The following ARHGEF26 variants were observed in gnomAD, a reference collection of about 807,000 sequenced individuals.
ARHGEF26 encodes Rho guanine nucleotide exchange factor 26.
In ARHGEF26, 59 loss-of-function variants were observed where a neutral mutation model predicts 89.4. That is an observed-to-expected ratio of 0.66 (90% CI 0.54 to 0.82). The LOEUF (loss-of-function observed/expected upper bound fraction) is 0.82. Among genes scored for constraint, ARHGEF26 ranks in the 40% least tolerant of loss-of-function variants. ARHGEF26 has a pLI of 0.00. For synonymous variants in ARHGEF26, 500 were observed against 428.4 expected (o/e 1.17, Z -2.06); for missense variants, 1,234 against 1,085.6 (o/e 1.14, Z -1.92).
At chr3:154,201,597 T>C (rs1181486462) in intron 9 of ARHGEF26, among the ~76,000 whole-genome samples, 5 of 152,216 alleles carry the variant, frequency 3.3e-5, no homozygotes, top group African/African-American at 9.6e-5. Context: ...CCACAATGGT[T>C]GAACTAGTTT....
intron 9 of ARHGEF26, among the ~76,000 whole-genome samples, chr3:154,213,328 G>A (rs761905803): frequency 2.1e-4 from 32 of 151,392 alleles, no homozygotes; most frequent in Middle Eastern, 3.4e-3. Context: ...ATTTAATAAA[G>A]CTTTGGCATA....
chr3:154,238,863 A>G lies in ARHGEF26; in HGVS notation c.2091-1507A>G, dbSNP rs77826401. Among the ~76,000 whole-genome samples the G allele has an allele frequency of 8.0e-3, 1,221 of 152,274 alleles. 4 individuals carry two copies. Among genetic ancestry groups the G allele is most frequent in the Non-Finnish European group, 0.013 (891 of 68,020 alleles). On this transcript the variant is annotated intron_variant, in intron 11 of 14. Transcript: ENST00000465093. Reference sequence around the variant, plus strand: ...GCAAGATGTGATTTAACTGGGTACCAAGAAATGCAAGCTAGCTAATTTAAT... The same window carrying G: ...GCAAGATGTGATTTAACTGGGTACCGAGAAATGCAAGCTAGCTAATTTAAT...
intron 3 of ARHGEF26, among the ~76,000 whole-genome samples, chr3:154,125,517 G>A (rs1313304351): frequency 6.6e-6 from 1 of 152,172 alleles, no homozygotes; most frequent in African/African-American, 2.4e-5. Flanking sequence ...CACAGATCGA[G>A]TTCTTAGTCC....
chr3:154,205,214 A>G (rs1321581371), intron 9 of ARHGEF26, among the ~76,000 whole-genome samples: 1 of 152,100 alleles, frequency 6.6e-6, no homozygotes, highest in Non-Finnish European at 1.5e-5. Flanking sequence ...ATTTAATATT[A>G]TTATATCCTC....
intron 11 of ARHGEF26, among the ~76,000 whole-genome samples, chr3:154,227,625 G>A (rs2108263849): frequency 6.6e-6 from 1 of 152,220 alleles, no homozygotes; most frequent in African/African-American, 2.4e-5. Flanking sequence ...TAATTTTTAT[G>A]TTTTTGTGTT....
At chr3:154,156,495 A>T (rs904418919) in intron 6 of ARHGEF26, among the ~76,000 whole-genome samples, 1 of 152,166 alleles carries the variant, frequency 6.6e-6, no homozygotes, top group African/African-American at 2.4e-5. Flanking sequence ...CAATGCTTTA[A>T]TATGGATATC....
chr3:154,169,006 TGTAAA>T (rs559780641), intron 6 of ARHGEF26, among the ~76,000 whole-genome samples: 76 of 151,796 alleles, frequency 5.0e-4, no homozygotes, highest in African/African-American at 1.7e-3. Context: ...AGATTAGAAA[TGTAAA>T]GTACAAGGTG....
intron 9 of ARHGEF26, among the ~76,000 whole-genome samples, chr3:154,213,241 G>GTATATATATATATA (rs750841371): frequency 6.9e-6 from 1 of 145,560 alleles, no homozygotes; most frequent in Non-Finnish European, 1.5e-5. Flanking sequence ...GTGTGTGTGT[G>GTATATATATATATA]TATATATATA....
intron 9 of ARHGEF26, among the ~76,000 whole-genome samples, chr3:154,196,702 A>G (rs1165164026): frequency 6.6e-6 from 1 of 152,104 alleles, no homozygotes; most frequent in African/African-American, 2.4e-5. Context: ...GACAAGTGAG[A>G]AGTTACCTAA....
chr3:154,256,548 T>TAAA lies in ARHGEF26; in HGVS notation c.*1100_*1102dup, dbSNP rs1474721087. 0.011 allele frequency: 7,096 copies of TAAA among 643,730 alleles called. 200 individuals are homozygous for TAAA. Among genetic ancestry groups the TAAA allele is most frequent in the African/African-American group, 0.017 (376 of 22,276 alleles). The allele number at this position is 643,730 out of a possible 1,614,324, so 39.9% of individuals were successfully genotyped here. On this transcript the variant is annotated 3_prime_UTR_variant, in exon 15 of 15. Transcript: ENST00000465093. ...GTGCCCAGCCTACTTTCTAATTAAT[T>TAAA]AAAAAAAAAAAAAAAAAAAAAAAAA...
intron 9 of ARHGEF26, among the ~76,000 whole-genome samples, chr3:154,202,434 G>C (rs968459078): frequency 1.3e-5 from 2 of 152,086 alleles, no homozygotes; most frequent in African/African-American, 2.4e-5. Context: ...GTCAGGTAGC[G>C]TGATGCCTCC....
At chr3:154,241,657 C>T (rs995632396) in intron 12 of ARHGEF26, among the ~76,000 whole-genome samples, 34 of 152,174 alleles carry the variant, frequency 2.2e-4, no homozygotes, top group African/African-American at 8.2e-4. Flanking sequence ...AGATTGGGCT[C>T]AACTTCCAAC....
chr3:154,190,915 T>C (rs1412861111), intron 7 of ARHGEF26, among the ~76,000 whole-genome samples: 4 of 152,180 alleles, frequency 2.6e-5, no homozygotes, highest in Admixed American at 2.6e-4. Context: ...ATTAATGATA[T>C]ATGTTTATAG....
intron 9 of ARHGEF26, among the ~76,000 whole-genome samples, chr3:154,213,728 A>G (rs1427049683): frequency 5.3e-5 from 8 of 152,156 alleles, no homozygotes; most frequent in Non-Finnish European, 7.3e-5. Context: ...TGATGTCAGG[A>G]GTTCAAGACC....
intron 6 of ARHGEF26, among the ~76,000 whole-genome samples, chr3:154,181,605 C>T (rs1366182064): frequency 6.6e-6 from 1 of 152,112 alleles, no homozygotes; most frequent in African/African-American, 2.4e-5. Flanking sequence ...CTCTGTCATC[C>T]TTCTGAATTG....
intron 11 of ARHGEF26, among the ~76,000 whole-genome samples, chr3:154,235,789 C>G (rs1426573757): frequency 1.3e-5 from 2 of 152,144 alleles, no homozygotes; most frequent in African/African-American, 2.4e-5. Context: ...TTCAGATTAC[C>G]CAAAGTCCTT....
At chr3:154,143,011 CAAAG>C in intron 4 of ARHGEF26, among the ~76,000 whole-genome samples, 1 of 152,154 alleles carries the variant, frequency 6.6e-6, no homozygotes, top group Non-Finnish European at 1.5e-5. Context: ...GGGGCAGCAA[CAAAG>C]AAATAGAGGT....
intron 4 of ARHGEF26, among the ~76,000 whole-genome samples, chr3:154,143,199 T>C (rs1332674240): frequency 6.6e-6 from 1 of 152,216 alleles, no homozygotes; most frequent in Non-Finnish European, 1.5e-5. Context: ...ATAAAAAAAT[T>C]GAACTATCTC....
At chr3:154,223,058 C>T (rs571599517) in intron 10 of ARHGEF26, among the ~76,000 whole-genome samples, 2 of 152,184 alleles carry the variant, frequency 1.3e-5, no homozygotes, top group Non-Finnish European at 2.9e-5. Context: ...AAAGTTGCCT[C>T]TACAGAGTTG....
Sources: gnomAD v4.1 joint callset for allele counts (sites outside exome capture counted in the v4.1 genomes callset) on GRCh38, gnomAD v4.1.1 for gene constraint, MANE v1.5 for transcripts, NCBI Gene and HGNC (gene_info 2026-07-23, HGNC 2026-07-21) for gene names.